The following PATL1 variants were observed in gnomAD, a reference collection of about 807,000 sequenced individuals.
PATL1 encodes the protein PAT1 homolog 1, processing body mRNA decay factor.
In PATL1, 32 loss-of-function variants were observed where a neutral mutation model predicts 100.6. The observed-to-expected ratio is 0.32, with a 90% CI of 0.24 to 0.43. PATL1 has a LOEUF of 0.43. Ranked by LOEUF, PATL1 falls within the 20% of genes least tolerant of loss-of-function variation. The pLI is 1.00. For synonymous variants in PATL1, 332 were observed against 330.0 expected (o/e 1.01, Z -0.07); for missense variants, 747 against 949.9 (o/e 0.79, Z 2.81).
At chr11:59,649,227 A>T (rs185262141) in intron 14 of PATL1, among the ~76,000 whole-genome samples, 186 of 152,340 alleles carry the variant, frequency 1.2e-3, no homozygotes, top group Non-Finnish European at 2.1e-3. Context: ...TCCCCAGCAG[A>T]TACTATGTAT....
At position 59,669,005 on chromosome 11, in the gene PATL1, C is replaced by G. The variant is rs951401405; in HGVS notation, c.-110G>C. ...TCCTCCACCGGCTCGCGACCCCTGG[C>G]CGCCGCCGTACGCCGGAGCGTGCGT... On this transcript the variant is annotated 5_prime_UTR_variant, in exon 1 of 19. Transcript: ENST00000300146. 1.5e-5 allele frequency: 4 copies of G among 271,930 alleles called. No individual in the cohort carries two copies. Among genetic ancestry groups the G allele is most frequent in the African/African-American group, 2.3e-5 (1 of 43,976 alleles). 16.8% of individuals were successfully genotyped at this position (271,930 alleles called of 1,614,324 possible).
chr11:59,663,307 T>C (rs950013562), intron 2 of PATL1, among the ~76,000 whole-genome samples: 1 of 152,132 alleles, frequency 6.6e-6, no homozygotes, highest in Non-Finnish European at 1.5e-5. Context: ...TCAGGGAGTT[T>C]TGAATGAAAA....
In PATL1 at chr11:59,652,064, C is replaced by CAAAAAAAAAAAAAAAAAAAAAAAAAA; in HGVS notation, c.1426+374_1426+399dup. Among the ~76,000 whole-genome samples, 42 of 52,992 alleles carry CAAAAAAAAAAAAAAAAAAAAAAAAAA rather than the reference C, an allele frequency of 7.9e-4. 1 individual carries two copies. The highest frequency in any genetic ancestry group is 8.3e-4 in the Non-Finnish European group (25 of 30,146). The allele number at this position is 52,992 out of a possible 152,430, so 34.8% of individuals were successfully genotyped here. On this transcript the variant is annotated intron_variant, in intron 11 of 18. Coordinates refer to ENST00000300146, the MANE Select transcript of PATL1 (RefSeq NM_152716.3). ...TGGACAACAGAGTAAGGCTCTTTCT[C>CAAAAAAAAAAAAAAAAAAAAAAAAAA]AAAAAAAAAAAAAAAAAAAAAAAAA...
At chr11:59,644,772 A>G (rs1861336353) in intron 15 of PATL1, among the ~76,000 whole-genome samples, 2 of 152,088 alleles carry the variant, frequency 1.3e-5, no homozygotes, top group African/African-American at 4.8e-5. Flanking sequence ...TATGCCAAGA[A>G]GAGCTAGGTA....
At chr11:59,645,334 T>C (rs1861348859) in intron 15 of PATL1, among the ~76,000 whole-genome samples, 2 of 137,604 alleles carry the variant, frequency 1.5e-5, no homozygotes, top group East Asian at 2.1e-4. Context: ...GCAGAGGGGC[T>C]CCTCACTTCC....
intron 2 of PATL1, among the ~76,000 whole-genome samples, chr11:59,659,701 G>C (rs991590157): frequency 1.3e-5 from 2 of 151,832 alleles, no homozygotes; most frequent in Non-Finnish European, 2.9e-5. Flanking sequence ...CACCACACCT[G>C]GCTAATTTTT....
chr11:59,641,930 G>T (rs1184302457), intron 16 of PATL1, among the ~76,000 whole-genome samples: 1 of 152,114 alleles, frequency 6.6e-6, no homozygotes, highest in African/African-American at 2.4e-5. Context: ...GCTTTGGTAG[G>T]TTTTCTGGTG....
At chr11:59,643,064 C>G in intron 15 of PATL1, 29 bp from the exon 16 acceptor site, 1 of 1,606,988 alleles carries the variant, frequency 6.2e-7, no homozygotes, top group African/African-American at 1.3e-5. Flanking sequence ...AGCATTATAT[C>G]CTGGCACGTG....
intron 1 of PATL1, among the ~76,000 whole-genome samples, chr11:59,668,411 C>T (rs1861722734): frequency 6.6e-6 from 1 of 152,130 alleles, no homozygotes; most frequent in Non-Finnish European, 1.5e-5. Flanking sequence ...AGCCCAGGCC[C>T]CCTTCACCTG....
At position 59,639,296 on chromosome 11, in the gene PATL1, G is replaced by T. The variant is rs1861240521; in HGVS notation, c.2137C>A (p.Gln713Lys). ...DPATESTQNN[Q>K]WTEVMFMATR... ...GAAGAAACAGTCCACACTGACCACT[G>T]ATTATTTTGTGTTGATTCTGTAGCA... Residue 713 changes from glutamine (Q) to lysine (K), a missense_variant, in exon 17 of 19, where the codon CAG (glutamine) becomes AAG (lysine). Gln to Lys is a moderately conservative substitution (Grantham distance 53). This residue lies in a region of PATL1 where 434 missense variants were observed against 596.1 expected (regional missense o/e 0.73). Transcript: ENST00000300146. 6.4e-7 allele frequency: 1 copy of T among 1,553,526 alleles called. No individual in the cohort carries two copies. The highest frequency in any genetic ancestry group is 8.7e-7 in the Non-Finnish European group (1 of 1,148,052).
chr11:59,638,218 T>C lies in PATL1; in HGVS notation c.*172A>G. The C allele has an allele frequency of 1.5e-6, 1 of 657,324 alleles. No individual in the cohort carries two copies. The highest frequency in any genetic ancestry group is 2.6e-6 in the Non-Finnish European group (1 of 377,364). 40.7% of individuals were successfully genotyped at this position (657,324 alleles called of 1,614,324 possible). On this transcript the variant is annotated 3_prime_UTR_variant, in exon 19 of 19. Coordinates refer to ENST00000300146, the MANE Select transcript of PATL1 (RefSeq NM_152716.3). Reference sequence around the variant, plus strand: ...CACCCAGCCAAATTTCATAGAGCAGTGGGGAAATATCTGACATTTAGAGAG... The same window carrying C: ...CACCCAGCCAAATTTCATAGAGCAGCGGGGAAATATCTGACATTTAGAGAG...
At position 59,658,944 on chromosome 11, in the gene PATL1, G is replaced by A. The variant is rs1398878959; in HGVS notation, c.348C>T (p.Pro116=). ...RAVQTRPVLQ[P]QPGSLNSSIW... is the part of the protein sequence containing the mutation. ...TACTGGAATTCAGACTTCCTGGTTG[G>A]GGCTAACAAAAAAGGAAAACATACA... is the stretch of plus-strand genomic sequence containing the variant. Residue 116 remains proline, a splice_region_variant and synonymous_variant, in exon 4 of 19, where the codon CCC becomes CCT. Coordinates refer to ENST00000300146, the MANE Select transcript of PATL1 (RefSeq NM_152716.3). 1 of 1,546,054 alleles carries A rather than the reference G, an allele frequency of 6.5e-7. No individual in the cohort carries two copies. Among genetic ancestry groups the A allele is most frequent in the Admixed American group, 2.0e-5 (1 of 49,410 alleles).
intron 18 of PATL1, among the ~76,000 whole-genome samples, chr11:59,638,614 T>C (rs1861226742): frequency 6.6e-6 from 1 of 152,162 alleles, no homozygotes; most frequent in African/African-American, 2.4e-5. Flanking sequence ...ACACAAATAG[T>C]TAATAAAAAG....
At chr11:59,654,215 G>C in intron 8 of PATL1, 143 bp from the exon 9 acceptor site, 1 of 671,164 alleles carries the variant, frequency 1.5e-6, no homozygotes, top group Non-Finnish European at 2.6e-6. Flanking sequence ...GGTGACTCAC[G>C]CCTGTAATCC....
intron 11 of PATL1, 97 bp from the exon 12 acceptor site, chr11:59,651,738 T>C: frequency 2.6e-6 from 2 of 767,546 alleles, no homozygotes; most frequent in Middle Eastern, 2.4e-4. Flanking sequence ...CTCTGTCCCT[T>C]ACTCATAGTC....
chr11:59,659,005 T>C (rs1861589126), intron 3 of PATL1, 59 bp from the exon 4 acceptor site: 2 of 1,419,344 alleles, frequency 1.4e-6, no homozygotes. Flanking sequence ...GGGTGACTTA[T>C]CTGCTGCTGG....
At position 59,649,517 on chromosome 11, in the gene PATL1, G is replaced by A; in HGVS notation, c.1678C>T (p.His560Tyr). ...TTGTCATACATGCTACAAATTTTGT[G>A]CTTTCTGTCATCCATTAGGGCAGGT... Reference protein sequence around the residue: ...ERPALMDDRKHKICSMYDNLR... With the variant: ...ERPALMDDRKYKICSMYDNLR... Residue 560 changes from histidine to tyrosine, a missense_variant, in exon 14 of 19, where the codon CAC (histidine) becomes TAC (tyrosine). Around this residue, in one of 4 missense-constraint regions of PATL1, gnomAD observed 434 missense variants for 596.1 expected, o/e 0.73. Coordinates refer to ENST00000300146, the MANE Select transcript of PATL1 (RefSeq NM_152716.3). The A allele has an allele frequency of 6.2e-7, 1 of 1,613,874 alleles. No homozygotes were observed. The highest frequency in any genetic ancestry group is 8.5e-7 in the Non-Finnish European group (1 of 1,179,858).
At position 59,656,609 on chromosome 11, in the gene PATL1, A is replaced by G. The variant is rs753868409; in HGVS notation, c.622-9T>C. ...GGCTTCGGACACAGAATCTATCAGG[A>G]CAAACATATATACAACTACACTCAA... On this transcript the variant is annotated splice_polypyrimidine_tract_variant and intron_variant, in intron 5 of 18. Coordinates refer to ENST00000300146, the MANE Select transcript of PATL1 (RefSeq NM_152716.3). 1.8e-5 allele frequency: 29 copies of G among 1,608,004 alleles called. No homozygotes were observed. The highest frequency in any genetic ancestry group is 1.7e-5 in the Admixed American group (1 of 59,966).
In PATL1 at chr11:59,642,899, G is replaced by T. The variant is rs1285528686; in HGVS notation, c.2030C>A (p.Thr677Asn). The T allele has an allele frequency of 6.2e-7, 1 of 1,613,762 alleles. No individual in the cohort carries two copies. The highest frequency in any genetic ancestry group is 1.7e-5 in the Admixed American group (1 of 59,988). Residue 677 changes from threonine (T) to asparagine (N), a missense_variant, in exon 16 of 19, where the codon ACT becomes AAT. Thr to Asn is a moderately conservative substitution (Grantham distance 65). Coordinates refer to ENST00000300146, the MANE Select transcript of PATL1 (RefSeq NM_152716.3). ...GATCACCTTGTTCTGGAGCACAGCA[G>T]TGAGGTGAGGATTGGAGAGTGCTGG... Reference protein sequence around the residue: ...ATPALSNPHLTAVLQNKFGLS... With the variant: ...ATPALSNPHLNAVLQNKFGLS...
Sources: allele counts gnomAD v4.1 joint callset (sites outside exome capture counted in the v4.1 genomes callset), GRCh38; gene constraint gnomAD v4.1.1; regional missense constraint gnomAD v4.1.1; transcripts MANE v1.5; gene names NCBI Gene and HGNC (gene_info 2026-07-23, HGNC 2026-07-21).